CNBD1: variants seen among roughly 807,000 people sequenced by gnomAD.
CNBD1 encodes cyclic nucleotide-binding domain-containing protein 1.
CNBD1 carries 71 observed loss-of-function variants against 54.4 expected under a neutral mutation model. The observed-to-expected ratio is 1.30, with a 90% CI of 1.08 to 1.59. The LOEUF is 1.59. Among genes scored for constraint, CNBD1 ranks in the 40% most tolerant of loss-of-function variants. CNBD1 has a pLI of 0.00. For synonymous variants in CNBD1, 182 were observed against 170.7 expected (o/e 1.07, Z -0.51); for missense variants, 659 against 518.0 (o/e 1.27, Z -2.64).
intron 2 of CNBD1, among the ~76,000 whole-genome samples, chr8:87,411,774 C>A (rs1006685125): frequency 4.6e-5 from 7 of 150,938 alleles, no homozygotes; most frequent in Non-Finnish European, 7.4e-5. Flanking sequence ...TGTATTTTTT[C>A]ATTAAGACAA....
At chr8:86,894,115 G>T (rs1285657974) in intron 2 of CNBD1, among the ~76,000 whole-genome samples, 1 of 120,924 alleles carries the variant, frequency 8.3e-6, no homozygotes, top group Non-Finnish European at 1.6e-5. Context: ...ACTGCGGACT[G>T]CAGTGGCGCA....
In CNBD1 at chr8:87,007,207, A is replaced by C. The variant is rs191915267; in HGVS notation, c.431+67453A>C. 1.7e-3 allele frequency among the ~76,000 whole-genome samples: 260 copies of C among 152,246 alleles called. 1 individual carries two copies. Among genetic ancestry groups the C allele is most frequent in the African/African-American group, 6.1e-3 (253 of 41,544 alleles). ...AGTGAAACTCCATCTCAGAAAAAAA[A>C]AAAAAAAATTTAAAACTTATTACTG... is the stretch of plus-strand genomic sequence containing the variant. On this transcript the variant is annotated intron_variant, in intron 4 of 10. Coordinates refer to ENST00000518476, the MANE Select transcript of CNBD1 (RefSeq NM_173538.3).
chr8:87,371,184 C>T (rs145187273), intron 10 of CNBD1, among the ~76,000 whole-genome samples: 7,383 of 150,636 alleles, frequency 0.049, 646 homozygotes, highest in African/African-American at 0.17. Context: ...TTTGTTCTTT[C>T]GGCTTAGGAT....
At chr8:86,904,421 C>T (rs578259934) in intron 2 of CNBD1, among the ~76,000 whole-genome samples, 1 of 152,136 alleles carries the variant, frequency 6.6e-6, no homozygotes, top group South Asian at 2.1e-4. Context: ...ATGCTATTCT[C>T]TGAATCTTGC....
rs184970912 is a variant in CNBD1, at chr8:86,888,423, A to G, written c.158+812A>G. ...CACCCAGTGCCTTTCGACATGGAGTAAAGAATGAAGTCCACACACTCCCGA... is the reference window on the plus strand; with the variant it reads ...CACCCAGTGCCTTTCGACATGGAGTGAAGAATGAAGTCCACACACTCCCGA... On this transcript the variant is annotated intron_variant, in intron 2 of 10. Coordinates refer to ENST00000518476, the MANE Select transcript of CNBD1 (RefSeq NM_173538.3). 2.7e-3 allele frequency among the ~76,000 whole-genome samples: 414 copies of G among 152,202 alleles called. 5 individuals carry two copies. Among genetic ancestry groups the G allele is most frequent in the Non-Finnish European group, 5.2e-3 (352 of 68,006 alleles).
intron 4 of CNBD1, among the ~76,000 whole-genome samples, chr8:87,058,354 C>T (rs1021693413): frequency 2.0e-5 from 3 of 152,130 alleles, no homozygotes; most frequent in African/African-American, 4.8e-5. Context: ...TACCCTTCTG[C>T]GATCTGGAGG....
chr8:87,361,770 T>C (rs1220997686), intron 10 of CNBD1, among the ~76,000 whole-genome samples: 1 of 150,978 alleles, frequency 6.6e-6, no homozygotes, highest in Non-Finnish European at 1.5e-5. Context: ...ACTACTTATG[T>C]ATCAATTGGT....
At chr8:87,390,950 A>G (rs1007311387) in intron 2 of CNBD1, among the ~76,000 whole-genome samples, 9 of 152,154 alleles carry the variant, frequency 5.9e-5, no homozygotes, top group Non-Finnish European at 1.5e-5. Context: ...AGGGAGATGG[A>G]TGAAGCTGGA....
At chr8:87,298,631 C>G (rs1213089946) in intron 8 of CNBD1, among the ~76,000 whole-genome samples, 2 of 151,666 alleles carry the variant, frequency 1.3e-5, no homozygotes, top group Non-Finnish European at 2.9e-5. Context: ...ATTACAGGCT[C>G]CCACCATGAA....
chr8:87,375,841 A>G (rs1810919106), intron 10 of CNBD1, among the ~76,000 whole-genome samples: 1 of 151,886 alleles, frequency 6.6e-6, no homozygotes, highest in African/African-American at 2.4e-5. Context: ...CTTTCCTAAT[A>G]TGCTTTTGGA....
rs13260617 is a variant in CNBD1, at chr8:87,322,105, A to T, written c.1043-29580A>T. ...TACTGAGAATGATGATTTCCAGTTT[A>T]ATCCATGTCCCTACAAAGGACATGA... is the stretch of plus-strand genomic sequence containing the variant. On this transcript the variant is annotated intron_variant, in intron 8 of 10. Coordinates refer to ENST00000518476, the MANE Select transcript of CNBD1 (RefSeq NM_173538.3). Among the ~76,000 whole-genome samples, 7 of 103,252 alleles carry T rather than the reference A, an allele frequency of 6.8e-5. 1 individual carries two copies. The highest frequency in any genetic ancestry group is 2.3e-4 in the African/African-American group (6 of 25,844). The allele number at this position is 103,252 out of a possible 152,430, so 67.7% of individuals were successfully genotyped here.
intron 6 of CNBD1, among the ~76,000 whole-genome samples, chr8:87,240,932 G>C (rs1233316498): frequency 2.0e-5 from 3 of 152,036 alleles, no homozygotes; most frequent in African/African-American, 7.2e-5. Flanking sequence ...CTCCAGGGTT[G>C]TTCCCTTTTC....
intron 2 of CNBD1, among the ~76,000 whole-genome samples, chr8:87,424,335 T>A (rs1230159959): frequency 6.6e-6 from 1 of 152,120 alleles, no homozygotes; most frequent in African/African-American, 2.4e-5. Flanking sequence ...ATGTGTTTGC[T>A]CGTGCTTTTC....
intron 4 of CNBD1, among the ~76,000 whole-genome samples, chr8:87,012,529 G>T (rs916632711): frequency 2.6e-4 from 39 of 152,074 alleles, no homozygotes; most frequent in Non-Finnish European, 4.9e-4. Flanking sequence ...ATTCTATAGA[G>T]AAACCCCTAC....
chr8:87,390,854 A>G (rs1186552583), intron 2 of CNBD1, among the ~76,000 whole-genome samples: 3 of 152,178 alleles, frequency 2.0e-5, no homozygotes, highest in African/African-American at 7.2e-5. Context: ...ATGTCCAACA[A>G]TGATAGACTG....
chr8:86,921,102 G>C (rs1244488763), intron 3 of CNBD1, among the ~76,000 whole-genome samples: 2 of 152,092 alleles, frequency 1.3e-5, no homozygotes. Context: ...TCCCTTTTGA[G>C]TTTTTGCACT....
At chr8:87,351,936 T>G (rs988974045) in intron 9 of CNBD1, 142 bp downstream of exon 9, 2 of 842,662 alleles carry the variant, frequency 2.4e-6, no homozygotes, top group Middle Eastern at 3.9e-4. Context: ...TTTGTGTTTG[T>G]TTTTGGTTTA....
intron 4 of CNBD1, among the ~76,000 whole-genome samples, chr8:87,184,867 G>A (rs1813441994): frequency 6.6e-6 from 1 of 151,856 alleles, no homozygotes. Flanking sequence ...CTATTTCCTT[G>A]TATATTTTCT....
chr8:86,931,355 G>A (rs754638319), intron 3 of CNBD1, among the ~76,000 whole-genome samples: 3 of 152,336 alleles, frequency 2.0e-5, no homozygotes, highest in Non-Finnish European at 2.9e-5. Context: ...CAGTCCTGTT[G>A]TTGGATCATC....
Sources: gnomAD v4.1 joint callset for allele counts (sites outside exome capture counted in the v4.1 genomes callset) on GRCh38, gnomAD v4.1.1 for gene constraint, MANE v1.5 for transcripts, NCBI Gene and HGNC (gene_info 2026-07-23, HGNC 2026-07-21) for gene names.